TTC17: variants seen among roughly 807,000 people sequenced by gnomAD.
The protein encoded by TTC17 is tetratricopeptide repeat domain 17.
A neutral mutation model predicts 143.8 loss-of-function variants in TTC17; 58 were observed. That is an observed-to-expected ratio of 0.40 (90% CI 0.33 to 0.50). The LOEUF (loss-of-function observed/expected upper bound fraction) is 0.50. TTC17 is among the 20% of genes least tolerant of loss of function. TTC17 has a pLI of 0.49. For missense variants in TTC17, 1,273 were observed against 1,392.5 expected (o/e 0.91, Z 1.37); for synonymous variants, 501 against 497.8 (o/e 1.01, Z -0.09).
chr11:43,462,242 G>T (rs1258315913), intron 21 of TTC17, among the ~76,000 whole-genome samples: 1 of 152,164 alleles, frequency 6.6e-6, no homozygotes, highest in African/African-American at 2.4e-5. Context: ...AGATATCCAC[G>T]TTCTAATCCC....
rs71308379 is a variant in TTC17, at chr11:43,364,047, C to CTT, written c.159+4959_159+4960dup. On this transcript the variant is annotated intron_variant, in intron 1 of 23. Transcript: ENST00000039989. The stretch of plus-strand genomic sequence containing the variant: ...CCGGTATCTTCGGAGTACAGATCCT[C>CTT]TTTTTTTTTTTTTTTTTTTTTTTTT... Among the ~76,000 whole-genome samples, 490 of 94,462 alleles carry CTT rather than the reference C, an allele frequency of 5.2e-3. 32 individuals are homozygous for CTT. Among genetic ancestry groups the CTT allele is most frequent in the East Asian group, 0.011 (38 of 3,374 alleles). 62.0% of individuals were successfully genotyped at this position (94,462 alleles called of 152,430 possible).
rs1855981860 is a variant in TTC17, at chr11:43,359,113, G to C, written c.159G>C (p.Gln53His). 6.3e-7 allele frequency: 1 copy of C among 1,581,766 alleles called. No individual in the cohort carries two copies. Among genetic ancestry groups the C allele is most frequent in the South Asian group, 1.1e-5 (1 of 86,960 alleles). The change falls in exon 1 of 24, where the codon CAG becomes CAC. Residue 53 changes from glutamine to histidine, a missense_variant and splice_region_variant. This residue lies in a region of TTC17 where 325 missense variants were observed against 444.2 expected (regional missense o/e 0.73). Coordinates refer to ENST00000039989, the MANE Select transcript of TTC17 (RefSeq NM_018259.6). ...VVTEDGKIQQ[Q>H]VDSPMNLKHP... ...CGGAGGACGGGAAAATCCAGCAGCA[G>C]GTAGCGGCCGGGGCGTCCCTCTTCT...
chr11:43,427,231 A>T (rs1947049813), intron 16 of TTC17, among the ~76,000 whole-genome samples: 1 of 152,170 alleles, frequency 6.6e-6, no homozygotes, highest in African/African-American at 2.4e-5. Context: ...TGTAGCAGGA[A>T]AAAGGAGAGG....
Sources: gnomAD v4.1 joint callset for allele counts (sites outside exome capture counted in the v4.1 genomes callset) on GRCh38, gnomAD v4.1.1 for gene constraint, gnomAD v4.1.1 regional missense constraint, MANE v1.5 for transcripts, NCBI Gene and HGNC (gene_info 2026-07-23, HGNC 2026-07-21) for gene names.